LCLAT1: variants seen among roughly 807,000 people sequenced by gnomAD.
LCLAT1 encodes lysocardiolipin acyltransferase 1.
In LCLAT1, 11 loss-of-function variants were observed where a neutral mutation model predicts 30.7. That is an observed-to-expected ratio of 0.36 (90% CI 0.23 to 0.59). The LOEUF is 0.59. LCLAT1 is among the 20% of genes least tolerant of loss of function. The probability of loss-of-function intolerance (pLI) is 0.77; values close to 1 mark genes in which losing one functional copy is unlikely to be tolerated. For synonymous variants in LCLAT1, 155 were observed against 151.3 expected, an observed-to-expected ratio of 1.02 and a Z score of -0.18; for missense variants, 402 against 458.6, an observed-to-expected ratio of 0.88 and a Z score of 1.13.
chr2:30,565,491 G>T (rs147091934), intron 4 of LCLAT1, among the ~76,000 whole-genome samples: 2 of 152,236 alleles, frequency 1.3e-5, no homozygotes, highest in East Asian at 3.9e-4. Flanking sequence ...AGATACCTGA[G>T]TATCGTGGCC....
intron 1 of LCLAT1, among the ~76,000 whole-genome samples, chr2:30,505,654 A>G (rs917995654): frequency 6.6e-6 from 1 of 152,110 alleles, no homozygotes; most frequent in African/African-American, 2.4e-5. Flanking sequence ...TATTACCAAA[A>G]TCTTAAAAGC....
chr2:30,602,674 T>G (rs1667243292), intron 5 of LCLAT1, among the ~76,000 whole-genome samples: 1 of 152,216 alleles, frequency 6.6e-6, no homozygotes, highest in Non-Finnish European at 1.5e-5. Flanking sequence ...CCTCTCTATA[T>G]ATTATGCACA....
chr2:30,490,870 A>G (rs1429646307), intron 1 of LCLAT1, among the ~76,000 whole-genome samples: 1 of 152,230 alleles, frequency 6.6e-6, no homozygotes, highest in Admixed American at 6.5e-5. Context: ...TGATGTGGCT[A>G]GTCAAATTGA....
intron 4 of LCLAT1, 126 bp downstream of exon 4, chr2:30,562,418 C>T: frequency 2.9e-6 from 2 of 685,348 alleles, no homozygotes; most frequent in Non-Finnish European, 4.5e-6. Flanking sequence ...TCCCTGGAAT[C>T]CTAGCTACTC....
chr2:30,459,459 T>C, intron 1 of LCLAT1: 1 of 673,028 alleles, frequency 1.5e-6, no homozygotes, highest in Non-Finnish European at 2.7e-6. Context: ...CCTGGGCCCG[T>C]AATCTGTTTA....
intron 1 of LCLAT1, among the ~76,000 whole-genome samples, chr2:30,523,163 AGTTACAGGGTTTCAAACAGAGCAGCAGC>A (rs1263818852): frequency 1.3e-5 from 2 of 151,628 alleles, no homozygotes; most frequent in Non-Finnish European, 2.9e-5. Flanking sequence ...AGAAAACGGT[AGTTACAGGGTTTCAAACAGAGCAGCAGC>A]GTTGCAGGAC....
chr2:30,637,873 C>T (rs1004871272), intron 5 of LCLAT1, among the ~76,000 whole-genome samples: 7 of 152,124 alleles, frequency 4.6e-5, no homozygotes, highest in Admixed American at 6.6e-5. Flanking sequence ...CCACCGCACC[C>T]AGCCCCCAGT....
intron 5 of LCLAT1, among the ~76,000 whole-genome samples, chr2:30,609,574 A>G (rs1393562666): frequency 6.6e-6 from 1 of 152,088 alleles, no homozygotes; most frequent in Non-Finnish European, 1.5e-5. Flanking sequence ...ATTCTTTTAG[A>G]ATGTATTTTC....
intron 3 of LCLAT1, among the ~76,000 whole-genome samples, chr2:30,551,221 G>A (rs536336026): frequency 4.1e-4 from 62 of 152,164 alleles, no homozygotes; most frequent in African/African-American, 1.5e-3. Context: ...TGCCCAGGTT[G>A]GTCTTGAACT....
At chr2:30,491,724 T>G (rs767893112) in intron 1 of LCLAT1, among the ~76,000 whole-genome samples, 9 of 152,234 alleles carry the variant, frequency 5.9e-5, no homozygotes, top group Admixed American at 1.3e-4. Context: ...CTTCTAAGGC[T>G]GGTTGTTTAT....
In LCLAT1 at chr2:30,625,907, A is replaced by G. The variant is rs141637126; in HGVS notation, c.629-14210A>G. On this transcript the variant is annotated intron_variant, in intron 5 of 5. Coordinates refer to ENST00000379509, the MANE Select transcript of LCLAT1 (RefSeq NM_001002257.3). The stretch of plus-strand genomic sequence containing the variant: ...TTTCTGCAAGTATAAAAGAAAGATA[A>G]TTTCTCAAGGGCTCTTACGATACTT... 3.9e-4 allele frequency among the ~76,000 whole-genome samples: 59 copies of G among 152,264 alleles called. No individual in the cohort carries two copies. The East Asian group carries it at 7.3e-3, about 19-fold the overall frequency.
chr2:30,546,071 A>G (rs1371655117), intron 3 of LCLAT1, among the ~76,000 whole-genome samples: 1 of 152,184 alleles, frequency 6.6e-6, no homozygotes, highest in Admixed American at 6.5e-5. Flanking sequence ...AAACTAGGAA[A>G]GGCCCACATT....
At chr2:30,608,806 G>A (rs760371175) in intron 5 of LCLAT1, among the ~76,000 whole-genome samples, 18 of 152,160 alleles carry the variant, frequency 1.2e-4, no homozygotes, top group East Asian at 1.9e-4. Context: ...ACATATCCCC[G>A]TCAAGTGACA....
chr2:30,624,160 C>T (rs1668397076), intron 5 of LCLAT1, among the ~76,000 whole-genome samples: 1 of 152,134 alleles, frequency 6.6e-6, no homozygotes. Flanking sequence ...AATAGAACCT[C>T]CTTAAAGCAT....
chr2:30,501,950 A>T (rs574381312), intron 1 of LCLAT1, among the ~76,000 whole-genome samples: 1 of 152,232 alleles, frequency 6.6e-6, no homozygotes, highest in Admixed American at 6.5e-5. Flanking sequence ...TATATCAGTG[A>T]TGGACTTTTG....
chr2:30,490,892 A>T (rs1003021939), intron 1 of LCLAT1, among the ~76,000 whole-genome samples: 1 of 152,226 alleles, frequency 6.6e-6, no homozygotes, highest in African/African-American at 2.4e-5. Context: ...ATGTGTTGTA[A>T]GTATAAAATA....
intron 1 of LCLAT1, among the ~76,000 whole-genome samples, chr2:30,514,848 A>T (rs2148364308): frequency 6.6e-6 from 1 of 152,348 alleles, no homozygotes; most frequent in Middle Eastern, 3.4e-3. Context: ...GATTGAGTTC[A>T]TGTTTATATA....
At chr2:30,472,780 AG>A (rs1399973907) in intron 1 of LCLAT1, among the ~76,000 whole-genome samples, 1 of 152,158 alleles carries the variant, frequency 6.6e-6, no homozygotes, top group Non-Finnish European at 1.5e-5. Flanking sequence ...GAAGAAACCC[AG>A]GTTCTATTAG....
intron 5 of LCLAT1, among the ~76,000 whole-genome samples, chr2:30,578,927 A>G (rs1366431145): frequency 6.6e-6 from 1 of 152,212 alleles, no homozygotes; most frequent in Non-Finnish European, 1.5e-5. Flanking sequence ...TAATTTACCA[A>G]TTAATTTTAG....
Sources: gnomAD v4.1 joint callset for allele counts (sites outside exome capture counted in the v4.1 genomes callset) on GRCh38, gnomAD v4.1.1 for gene constraint, MANE v1.5 for transcripts, NCBI Gene and HGNC (gene_info 2026-07-23, HGNC 2026-07-21) for gene names.